CACNA1I: variants seen among roughly 807,000 people sequenced by gnomAD.
CACNA1I encodes voltage-dependent T-type calcium channel subunit alpha-1I.
In CACNA1I, 74 loss-of-function variants were observed where a neutral mutation model predicts 201.6. The ratio of observed to expected loss-of-function variants is 0.37; its 90% CI spans 0.30 to 0.45. CACNA1I has a LOEUF of 0.45. Ranked by LOEUF, CACNA1I falls within the 20% of genes least tolerant of loss-of-function variation. CACNA1I has a pLI of 1.00. For missense variants in CACNA1I, 2,346 were observed against 3,138.1 expected, an observed-to-expected ratio of 0.75 and a Z score of 6.03; for synonymous variants, 1,431 against 1,345.2, an observed-to-expected ratio of 1.06 and a Z score of -1.40.
At chr22:39,631,096 G>A (rs955134352) in intron 4 of CACNA1I, among the ~76,000 whole-genome samples, 5 of 152,206 alleles carry the variant, frequency 3.3e-5, no homozygotes, top group African/African-American at 1.2e-4. Flanking sequence ...CTGACTTCAG[G>A]GAATCTTCCG....
chr22:39,581,921 G>A (rs187390552), intron 1 of CACNA1I, among the ~76,000 whole-genome samples: 21 of 152,198 alleles, frequency 1.4e-4, no homozygotes, highest in East Asian at 1.4e-3. Flanking sequence ...TCCTGACACC[G>A]GTGCTTATCC....
rs1935804632 is a variant in CACNA1I, at chr22:39,684,660, G to A, written c.6027+162G>A. On this transcript the variant is annotated intron_variant, in intron 36 of 36. Transcript: ENST00000402142. This position sits in a 1 kb window ranked among gnomAD's most constrained non-coding sequence, Gnocchi z 4.6. ...GGAACGCTGGGGTGACGCTGAGACT[G>A]GAGGGGGAGGTGGCACTGGGGCGGA... 2 of 738,094 alleles carry A rather than the reference G, an allele frequency of 2.7e-6. No individual in the cohort carries two copies. The highest frequency in any genetic ancestry group is 4.5e-6 in the Non-Finnish European group (2 of 445,008). 45.7% of individuals were successfully genotyped at this position (738,094 alleles called of 1,614,324 possible).
At chr22:39,621,383 C>T (rs1209251938) in intron 4 of CACNA1I, among the ~76,000 whole-genome samples, 1 of 152,228 alleles carries the variant, frequency 6.6e-6, no homozygotes, top group Non-Finnish European at 1.5e-5. Flanking sequence ...GGCCTTGGGG[C>T]TCTGTCACCC....
In CACNA1I at chr22:39,676,078, G is replaced by C. The variant is rs1205161832; in HGVS notation, c.4855-1263G>C. On this transcript the variant is annotated intron_variant, in intron 29 of 36. Transcript: ENST00000402142. The surrounding 1 kb of genome is among the most constrained non-coding windows in gnomAD (Gnocchi z 4.8). ...GGAGGGAGAGGCTGGAGGCAGGGAA[G>C]CTGGTGAGGAGGCTGCTGCAACCCT... is the stretch of plus-strand genomic sequence containing the variant. Among the ~76,000 whole-genome samples the C allele has an allele frequency of 2.6e-5, 4 of 152,208 alleles. No homozygotes were observed. The highest frequency in any genetic ancestry group is 6.5e-5 in the Admixed American group (1 of 15,292).
intron 1 of CACNA1I, among the ~76,000 whole-genome samples, chr22:39,573,566 C>T (rs1473524957): frequency 1.3e-5 from 2 of 152,152 alleles, no homozygotes; most frequent in Non-Finnish European, 2.9e-5. Flanking sequence ...ACGAATCACC[C>T]CTTCCAGCCC....
At chr22:39,576,809 G>A (rs1238196453) in intron 1 of CACNA1I, among the ~76,000 whole-genome samples, 1 of 152,154 alleles carries the variant, frequency 6.6e-6, no homozygotes, top group Non-Finnish European at 1.5e-5. Context: ...CTCGTGGGTG[G>A]GCCCCCGCCT....
chr22:39,657,925 G>T (rs557817923), intron 10 of CACNA1I, among the ~76,000 whole-genome samples: 19 of 152,198 alleles, frequency 1.2e-4, no homozygotes, highest in Admixed American at 1.2e-3. Context: ...GAAGGTCAGC[G>T]CTGTGGGGTC....
chr22:39,662,794 C>A lies in CACNA1I; in HGVS notation c.3391C>A (p.Arg1131Ser). The A allele has an allele frequency of 6.3e-7, 1 of 1,593,900 alleles. No homozygotes were observed. The highest frequency in any genetic ancestry group is 1.3e-5 in the African/African-American group (1 of 74,552). The change falls in exon 18 of 37, where the codon CGC (arginine) becomes AGC (serine). Residue 1131 changes from arginine (R) to serine (S), a missense_variant. Transcript: ENST00000402142. ...EIDYTLCFRV[R>S]KMIDVYKPDW... is the part of the protein sequence containing the mutation. ...TTGCTAGACCCTGTGCTTCCGCGTC[C>A]GCAAGATGATCGACGTCTATAAGCC...
At chr22:39,668,856 CAA>C (rs1444170935) in intron 24 of CACNA1I, among the ~76,000 whole-genome samples, 1 of 152,074 alleles carries the variant, frequency 6.6e-6, no homozygotes, top group Non-Finnish European at 1.5e-5. Flanking sequence ...TGACAAGGGG[CAA>C]AAGTTTATTC....
Position 39,646,597 on chromosome 22 carries a change from G to A in CACNA1I, c.1178G>A (p.Cys393Tyr). The change falls in exon 8 of 37, where the codon TGC becomes TAC. Residue 393 changes from cysteine (C) to tyrosine (Y), a missense_variant. Cys to Tyr is a radical substitution (Grantham distance 194). Around this residue, in one of 13 missense-constraint regions of CACNA1I, gnomAD observed 227 missense variants for 412.5 expected, o/e 0.55. Coordinates refer to ENST00000402142, the MANE Select transcript of CACNA1I (RefSeq NM_021096.4). ...GGCTCCTTCTTCATGATCAACCTGT[G>A]CCTCGTTGTCATAGCGACCCAGTTC... ...IVGSFFMINL[C>Y]LVVIATQFSE... 1 of 1,567,626 alleles carries A rather than the reference G, an allele frequency of 6.4e-7. No individual in the cohort carries two copies. Among genetic ancestry groups the A allele is most frequent in the Non-Finnish European group, 8.6e-7 (1 of 1,156,422 alleles).
intron 3 of CACNA1I, among the ~76,000 whole-genome samples, chr22:39,604,806 G>A (rs1443216474): frequency 6.6e-6 from 1 of 151,514 alleles, no homozygotes; most frequent in Non-Finnish European, 1.5e-5. Context: ...GTGACCTCCT[G>A]GGTTCAAGTG....
chr22:39,598,077 T>C, intron 1 of CACNA1I, 74 bp from the exon 2 acceptor site: 1 of 798,130 alleles, frequency 1.3e-6, no homozygotes, highest in South Asian at 1.5e-5. Context: ...GGGTTGCGGG[T>C]ATTACACTCT....
Position 39,595,237 on chromosome 22 carries a change from C to T in CACNA1I, c.237-2914C>T, listed in dbSNP as rs900391661. On this transcript the variant is annotated intron_variant, in intron 1 of 36. Transcript: ENST00000402142. ...CTGGGAGACGGAGGTTGCAGTGAGC[C>T]GAGATCACGCCACTGCACTTCAGCC... is the stretch of plus-strand genomic sequence containing the variant. Among the ~76,000 whole-genome samples the T allele has an allele frequency of 7.3e-5, 11 of 150,156 alleles. No homozygotes were observed. The East Asian group carries it at 7.9e-4, about 11-fold the overall frequency.
At chr22:39,607,993 A>G (rs1933269057) in intron 3 of CACNA1I, among the ~76,000 whole-genome samples, 1 of 151,390 alleles carries the variant, frequency 6.6e-6, no homozygotes, top group African/African-American at 2.4e-5. Flanking sequence ...GGTGGCAGAC[A>G]CCTGTAATCC....
intron 4 of CACNA1I, among the ~76,000 whole-genome samples, chr22:39,632,104 A>G (rs1348717671): frequency 6.6e-6 from 1 of 152,134 alleles, no homozygotes; most frequent in African/African-American, 2.4e-5. Context: ...ATCCCAGAGA[A>G]CAAGGGAGAT....
chr22:39,598,051 T>C (rs916942934), intron 1 of CACNA1I, 100 bp from the exon 2 acceptor site: 3 of 690,520 alleles, frequency 4.3e-6, no homozygotes, highest in East Asian at 2.7e-5. Context: ...ATGGGGTGTA[T>C]GCCTGTGTGT....
chr22:39,602,230 C>A (rs1933089484), intron 3 of CACNA1I, among the ~76,000 whole-genome samples: 1 of 150,026 alleles, frequency 6.7e-6, no homozygotes, highest in Non-Finnish European at 1.5e-5. Flanking sequence ...TGCTACCAAC[C>A]CTGGCTAATT....
intron 4 of CACNA1I, among the ~76,000 whole-genome samples, chr22:39,622,608 G>A (rs1158439263): frequency 1.3e-5 from 2 of 148,614 alleles, no homozygotes; most frequent in East Asian, 2.0e-4. Flanking sequence ...TGGGGGGGGC[G>A]GTGGGGGGGG....
intron 5 of CACNA1I, among the ~76,000 whole-genome samples, chr22:39,635,125 A>G (rs377170652): frequency 1.3e-5 from 2 of 152,292 alleles, no homozygotes; most frequent in Admixed American, 6.5e-5. Flanking sequence ...TTGGACACCT[A>G]TAGAACCCGT....
Sources: allele counts gnomAD v4.1 joint callset (sites outside exome capture counted in the v4.1 genomes callset), GRCh38; gene constraint gnomAD v4.1.1; regional missense constraint gnomAD v4.1.1; non-coding constraint Gnocchi (gnomAD v3.1); transcripts MANE v1.5; gene names NCBI Gene and HGNC (gene_info 2026-07-23, HGNC 2026-07-21).